ARID1B: variants seen among roughly 807,000 people sequenced by gnomAD.
ARID1B encodes the protein AT-rich interaction domain 1B, also known as AT-rich interactive domain-containing protein 1B.
In ARID1B, 30 loss-of-function variants were observed where a neutral mutation model predicts 212.3. The observed-to-expected ratio is 0.14, with a 90% CI of 0.11 to 0.19. ARID1B has a LOEUF of 0.19. ARID1B is among the 10% of genes least tolerant of loss of function. ARID1B has a pLI of 1.00. For missense variants in ARID1B, 2,891 were observed against 3,204.0 expected (o/e 0.90, Z 2.36); for synonymous variants, 1,402 against 1,301.7 (o/e 1.08, Z -1.66).
rs1471410272 is a variant in ARID1B, at chr6:156,778,772, C to A, written c.1092C>A (p.Asp364Glu). ...CCGCCGGGGCCCCCGGCAGCATGGA[C>A]CCCCTGCAGAACTCCCACGAAGGGT... ...AAAAGAPGSM[D>E]PLQNSHEGYP... The change falls in exon 1 of 20, where the codon GAC becomes GAA. Residue 364 changes from aspartate (D) to glutamate (E), a missense_variant. Asp to Glu is a conservative substitution (Grantham distance 45). Around this residue, in one of 7 missense-constraint regions of ARID1B, gnomAD observed 1,643 missense variants for 1,544.0 expected, o/e 1.06. Coordinates refer to ENST00000636930, the MANE Select transcript of ARID1B (RefSeq NM_001374828.1). 6.6e-7 allele frequency: 1 copy of A among 1,516,424 alleles called. No individual in the cohort carries two copies. The highest frequency in any genetic ancestry group is 8.8e-7 in the Non-Finnish European group (1 of 1,130,442). The allele number at this position is 1,516,424 out of a possible 1,614,324, so 93.9% of individuals were successfully genotyped here. A position where few individuals can be genotyped will look rare whatever the true frequency, so the allele number is the denominator to read the frequency against.
rs564365449 is a variant in ARID1B at position 157,069,432 on chromosome 6, G to A, written c.2248-15230G>A. 5.9e-5 allele frequency among the ~76,000 whole-genome samples: 9 copies of A among 152,234 alleles called. No individual in the cohort carries two copies. In the South Asian group the frequency reaches 8.3e-4, roughly 14 times the overall value. ...TAAAATTTAATATGATGTTTGCAACGTATTGCAAATTTAACACTACTAATT... is the reference window on the plus strand; with the variant it reads ...TAAAATTTAATATGATGTTTGCAACATATTGCAAATTTAACACTACTAATT... On this transcript the variant is annotated intron_variant, in intron 4 of 19. Coordinates refer to ENST00000636930, the MANE Select transcript of ARID1B (RefSeq NM_001374828.1).
At chr6:157,005,970 C>G (rs774353367) in intron 4 of ARID1B, among the ~76,000 whole-genome samples, 1 of 152,094 alleles carries the variant, frequency 6.6e-6, no homozygotes, top group Non-Finnish European at 1.5e-5. Flanking sequence ...TATATATTCA[C>G]GTTTTCTCCC....
At chr6:157,016,928 A>G (rs893774154) in intron 4 of ARID1B, among the ~76,000 whole-genome samples, 1 of 152,200 alleles carries the variant, frequency 6.6e-6, no homozygotes, top group Non-Finnish European at 1.5e-5. Context: ...GAACCTATCA[A>G]TGTTGTTAAG....
At chr6:156,893,600 TA>T (rs138270415) in intron 2 of ARID1B, among the ~76,000 whole-genome samples, 1 of 151,720 alleles carries the variant, frequency 6.6e-6, no homozygotes, top group African/African-American at 2.4e-5. Context: ...ATAACCTAAT[TA>T]AAAAAAATGG....
chr6:157,103,806 T>C (rs1786259043), intron 5 of ARID1B, among the ~76,000 whole-genome samples: 1 of 150,260 alleles, frequency 6.7e-6, no homozygotes, highest in Admixed American at 6.6e-5. Flanking sequence ...ATTCCAGAAA[T>C]GCAAAGTTGG....
chr6:157,019,383 TAAC>T (rs1780092351), intron 4 of ARID1B, among the ~76,000 whole-genome samples: 1 of 152,210 alleles, frequency 6.6e-6, no homozygotes, highest in Non-Finnish European at 1.5e-5. Context: ...TTCATTCTCA[TAAC>T]AACCATCAGA....
rs1411645870 is a variant in ARID1B at position 156,936,616 on chromosome 6, CACCA to C, written c.2247+1041_2247+1044del. The C allele has an allele frequency of 2.8e-5, 4 of 144,018 alleles. No individual in the cohort carries two copies. In the Admixed American group the frequency reaches 2.8e-4, roughly 10 times the overall value. The allele number at this position is 144,018 out of a possible 1,614,324, so 8.9% of individuals were successfully genotyped here. Reference sequence around the variant, plus strand: ...CGGAGGTTGCAGTGAGCCGAGATTGCACCACTGCACTCCAGTCTGGGAAACAGAG... The same window carrying C: ...CGGAGGTTGCAGTGAGCCGAGATTGCCTGCACTCCAGTCTGGGAAACAGAG... On this transcript the variant is annotated intron_variant, in intron 4 of 19. Coordinates refer to ENST00000636930, the MANE Select transcript of ARID1B (RefSeq NM_001374828.1).
intron 8 of ARID1B, among the ~76,000 whole-genome samples, chr6:157,161,661 A>T (rs1016431496): frequency 6.6e-6 from 1 of 152,142 alleles, no homozygotes. Context: ...TGTAATGTTA[A>T]TGTATGCAAT....
intron 4 of ARID1B, among the ~76,000 whole-genome samples, chr6:156,961,014 T>C (rs188407845): frequency 6.6e-6 from 1 of 152,360 alleles, no homozygotes; most frequent in African/African-American, 2.4e-5. Context: ...GGAACATTGA[T>C]TCTAAATTTG....
Position 156,826,580 on chromosome 6 carries a change from G to A in ARID1B, c.1792-2647G>A, listed in dbSNP as rs531689247. Among the ~76,000 whole-genome samples, 17 of 152,136 alleles carry A rather than the reference G, an allele frequency of 1.1e-4. No homozygotes were observed. The East Asian group carries it at 1.2e-3, about 10-fold the overall frequency. ...GGAAGGCAGAGAAGGGGAAGGACCCGTGCAGCCTTGGAGTGGGAGTGCCAG... is the reference window on the plus strand; with the variant it reads ...GGAAGGCAGAGAAGGGGAAGGACCCATGCAGCCTTGGAGTGGGAGTGCCAG... On this transcript the variant is annotated intron_variant, in intron 1 of 19. Transcript: ENST00000636930.
rs765843970 is a variant in ARID1B at position 157,206,648 on chromosome 6, G to A, written c.5876G>A (p.Ser1959Asn). 1 of 1,613,882 alleles carries A rather than the reference G, an allele frequency of 6.2e-7. No individual in the cohort carries two copies. Among genetic ancestry groups the A allele is most frequent in the African/African-American group, 1.3e-5 (1 of 75,008 alleles). ...TTEHIQTHFE[S>N]KMEIPPRRRP... ...GAGCACATTCAGACTCACTTTGAGAGCAAGATGGAAATTCCTCCTCGCAGG... is the reference window on the plus strand; with the variant it reads ...GAGCACATTCAGACTCACTTTGAGAACAAGATGGAAATTCCTCCTCGCAGG... The change falls in exon 20 of 20, where the codon AGC (serine) becomes AAC (asparagine). Residue 1959 changes from serine to asparagine, a missense_variant. By Grantham distance (46) the Ser-to-Asn change is conservative. Around this residue, in one of 7 missense-constraint regions of ARID1B, gnomAD observed 332 missense variants for 369.2 expected, o/e 0.90. Coordinates refer to ENST00000636930, the MANE Select transcript of ARID1B (RefSeq NM_001374828.1). This position sits in a 1 kb window ranked among gnomAD's most constrained non-coding sequence, Gnocchi z 6.8.
Position 157,198,914 on chromosome 6 carries a change from T to C in ARID1B, c.4479+7T>C. 6.3e-7 allele frequency: 1 copy of C among 1,594,620 alleles called. No individual in the cohort carries two copies. The highest frequency in any genetic ancestry group is 8.6e-7 in the Non-Finnish European group (1 of 1,168,242). Reference sequence around the variant, plus strand: ...CCTGTACCCACAGCAGCCGGTGAGTTGGCAAGTGGGCGTGGGGTGCTGTGT... The same window carrying C: ...CCTGTACCCACAGCAGCCGGTGAGTCGGCAAGTGGGCGTGGGGTGCTGTGT... On this transcript the variant is annotated splice_region_variant and intron_variant, in intron 17 of 19. Coordinates refer to ENST00000636930, the MANE Select transcript of ARID1B (RefSeq NM_001374828.1).
rs66476170 is a variant in ARID1B at position 157,123,180 on chromosome 6, T to TTCTCTGTCTCTG, written c.2582-9836_2582-9825dup. Among the ~76,000 whole-genome samples the TTCTCTGTCTCTG allele has an allele frequency of 2.0e-5, 3 of 146,378 alleles. 1 individual carries two copies. Among genetic ancestry groups the TTCTCTGTCTCTG allele is most frequent in the South Asian group, 4.6e-4 (2 of 4,334 alleles). ...ATACTCGATGGGGATTTTGAGATCT[T>TTCTCTGTCTCTG]TCTCTGTCTCTGTCTCTGTCTCTCT... On this transcript the variant is annotated intron_variant, in intron 6 of 19. Transcript: ENST00000636930.
At chr6:157,041,190 C>T (rs1781851715) in intron 4 of ARID1B, among the ~76,000 whole-genome samples, 1 of 152,128 alleles carries the variant, frequency 6.6e-6, no homozygotes, top group Non-Finnish European at 1.5e-5. Flanking sequence ...CAGCAGCCAC[C>T]AACATGGGTT....
intron 2 of ARID1B, among the ~76,000 whole-genome samples, chr6:156,833,231 A>G (rs565612469): frequency 6.6e-6 from 1 of 152,250 alleles, no homozygotes; most frequent in South Asian, 2.1e-4. Context: ...AAAAAAAAAC[A>G]AACCTTAAAG....
At chr6:157,196,348 T>C (rs1793726674) in intron 16 of ARID1B, 33 bp downstream of exon 16, 3 of 1,578,410 alleles carry the variant, frequency 1.9e-6, no homozygotes, top group Non-Finnish European at 2.6e-6. Flanking sequence ...ATATGATGAT[T>C]TACTAGAAAC....
intron 4 of ARID1B, among the ~76,000 whole-genome samples, chr6:157,033,967 T>TGTTC (rs1781168984): frequency 6.6e-6 from 1 of 151,952 alleles, no homozygotes; most frequent in African/African-American, 2.4e-5. Flanking sequence ...CTCATCAGAG[T>TGTTC]ATTCAAATTT....
In ARID1B at chr6:157,207,910, CAT is replaced by C. The variant is rs1794590026; in HGVS notation, c.*20_*21del. The C allele has an allele frequency of 1.4e-6, 2 of 1,467,888 alleles. No homozygotes were observed. Among genetic ancestry groups the C allele is most frequent in the Non-Finnish European group, 9.0e-7 (1 of 1,106,142 alleles). The allele number at this position is 1,467,888 out of a possible 1,614,324, so 90.9% of individuals were successfully genotyped here. A position where few individuals can be genotyped will look rare whatever the true frequency, so the allele number is the denominator to read the frequency against. On this transcript the variant is annotated 3_prime_UTR_variant, in exon 20 of 20. Coordinates refer to ENST00000636930, the MANE Select transcript of ARID1B (RefSeq NM_001374828.1). The surrounding 1 kb of genome is among the most constrained non-coding windows in gnomAD (Gnocchi z 8.5). ...GTTATGACATAAGTGAGAAGGCAAG[CAT>C]GTGTGAGTGAAGATTAGAGGGTCAC...
At chr6:157,135,871 C>T (rs1201443159) in intron 7 of ARID1B, among the ~76,000 whole-genome samples, 1 of 152,090 alleles carries the variant, frequency 6.6e-6, no homozygotes, top group South Asian at 2.1e-4. Context: ...GTTCATATCT[C>T]TGGAATGATT....
Sources: allele counts gnomAD v4.1 joint callset (sites outside exome capture counted in the v4.1 genomes callset), GRCh38; gene constraint gnomAD v4.1.1; regional missense constraint gnomAD v4.1.1; non-coding constraint Gnocchi (gnomAD v3.1); transcripts MANE v1.5; gene names NCBI Gene and HGNC (gene_info 2026-07-23, HGNC 2026-07-21).